The following KDM4C variants were observed in gnomAD, a reference collection of about 807,000 sequenced individuals.
KDM4C encodes the protein lysine demethylase 4C, also known as lysine-specific demethylase 4C.
A neutral mutation model predicts 129.3 loss-of-function variants in KDM4C; 81 were observed. That is an observed-to-expected ratio of 0.63 (90% confidence interval 0.52 to 0.75). The LOEUF (loss-of-function observed/expected upper bound fraction) is 0.75. Ranked by LOEUF, KDM4C falls within the 30% of genes least tolerant of loss-of-function variation. The pLI, the probability that KDM4C is intolerant of heterozygous loss-of-function variation, is 0.00. For missense variants in KDM4C, 1,457 were observed against 1,304.0 expected (o/e 1.12, Z -1.81); for synonymous variants, 573 against 456.1 (o/e 1.26, Z -3.26).
chr9:7,020,149 A>G (rs1050088377), intron 15 of KDM4C, among the ~76,000 whole-genome samples: 3 of 152,144 alleles, frequency 2.0e-5, no homozygotes, highest in African/African-American at 7.2e-5. Context: ...AAACCAAAAT[A>G]TATATTGCAG....
intron 1 of KDM4C, among the ~76,000 whole-genome samples, chr9:6,733,041 C>T (rs191130598): frequency 3.9e-5 from 6 of 152,204 alleles, no homozygotes; most frequent in East Asian, 1.9e-4. Flanking sequence ...AGTACCACCA[C>T]GTGGTTACAA....
rs776296936 is a variant in KDM4C, at chr9:6,984,318, G to A, written c.1268G>A (p.Arg423Lys). The A allele has an allele frequency of 1.2e-6, 2 of 1,614,076 alleles. No homozygotes were observed. The highest frequency in any genetic ancestry group is 2.2e-5 in the East Asian group (1 of 44,882). ...SEKSEAAVKL[R>K]NTEASSEEES... The stretch of plus-strand genomic sequence containing the variant: ...AAGTCAGAAGCAGCAGTGAAGCTGA[G>A]GAACACAGAAGCATCTTCAGAAGAA... The change falls in exon 10 of 22, where the codon AGG becomes AAG. Residue 423 changes from arginine to lysine, a missense_variant. Physicochemically the swap from Arg to Lys is conservative, Grantham distance 26. Transcript: ENST00000381309.
intron 2 of KDM4C, among the ~76,000 whole-genome samples, chr9:6,801,566 G>C (rs984598235): frequency 6.6e-6 from 1 of 151,542 alleles, no homozygotes; most frequent in Non-Finnish European, 1.5e-5. Context: ...AAAAAGATTG[G>C]AGGGCAAGTT....
At chr9:7,170,282 T>C (rs971505002) in intron 21 of KDM4C, 14 of 1,074,422 alleles carry the variant, frequency 1.3e-5, no homozygotes, top group Non-Finnish European at 1.4e-5. Context: ...CTCGGCATAA[T>C]TGAATGTCTG....
chr9:6,761,070 C>T (rs558572432), intron 1 of KDM4C, among the ~76,000 whole-genome samples: 3 of 146,506 alleles, frequency 2.0e-5, no homozygotes, highest in Admixed American at 7.0e-5. Flanking sequence ...GTGCCAATGG[C>T]GCGATCTCGG....
At chr9:6,963,899 A>T (rs1329507264) in intron 8 of KDM4C, among the ~76,000 whole-genome samples, 1 of 152,150 alleles carries the variant, frequency 6.6e-6, no homozygotes, top group Non-Finnish European at 1.5e-5. Context: ...TTTTTTAGCT[A>T]TTCCTAGATT....
intron 1 of KDM4C, among the ~76,000 whole-genome samples, chr9:6,732,479 TG>T (rs1211107547): frequency 3.4e-5 from 5 of 148,164 alleles, no homozygotes; most frequent in Non-Finnish European, 7.4e-5. Flanking sequence ...GTGGATCACC[TG>T]AGGTCAGGAG....
chr9:6,842,526 A>T (rs1297672204), intron 4 of KDM4C, among the ~76,000 whole-genome samples: 1 of 151,358 alleles, frequency 6.6e-6, no homozygotes, highest in East Asian at 1.9e-4. Context: ...TTTAGTAGAG[A>T]TGGAGTTTCA....
chr9:6,988,519 T>A (rs1818147290), intron 11 of KDM4C, among the ~76,000 whole-genome samples: 1 of 129,230 alleles, frequency 7.7e-6, no homozygotes. Flanking sequence ...GGATAACTCC[T>A]AGATGTAATA....
intron 19 of KDM4C, among the ~76,000 whole-genome samples, chr9:7,132,172 T>C (rs1840714400): frequency 6.6e-6 from 1 of 152,222 alleles, no homozygotes; most frequent in South Asian, 2.1e-4. Flanking sequence ...CCAAGCTATT[T>C]ATCTATGTAT....
At chr9:7,033,349 C>T (rs1219135748) in intron 15 of KDM4C, among the ~76,000 whole-genome samples, 2 of 152,140 alleles carry the variant, frequency 1.3e-5, no homozygotes, top group Non-Finnish European at 2.9e-5. Context: ...ACTGTGGTGT[C>T]TCTTAAAACA....
rs1401486866 is a variant in KDM4C, at chr9:7,046,872, T to G, written c.2270T>G (p.Leu757Arg). The G allele has an allele frequency of 1.9e-6, 3 of 1,607,364 alleles. No homozygotes were observed. The African/African-American group carries it at 4.0e-5, about 21-fold the overall frequency. The part of the protein sequence containing the change: ...KRNAWTAECC[L>R]CNLRGGALKQ... ...TTCTTTTCCCCCCAGGAATGCTGTC[T>G]CTGCAATTTGAGAGGAGGTGCTCTT... is the stretch of plus-strand genomic sequence containing the variant. The change falls in exon 16 of 22, where the codon CTC becomes CGC. Residue 757 changes from leucine (L) to arginine (R), a missense_variant. Leu to Arg is a moderately radical substitution (Grantham distance 102, BLOSUM62 -2). Transcript: ENST00000381309.
At chr9:6,964,223 T>A (rs537478519) in intron 8 of KDM4C, among the ~76,000 whole-genome samples, 6 of 151,942 alleles carry the variant, frequency 3.9e-5, no homozygotes, top group South Asian at 4.2e-4. Context: ...ATATCTTCTA[T>A]TGCTATCCCT....
chr9:6,781,649 G>A (rs533576516), intron 1 of KDM4C, among the ~76,000 whole-genome samples: 1 of 152,202 alleles, frequency 6.6e-6, no homozygotes, highest in East Asian at 1.9e-4. Context: ...GCACTAAATA[G>A]ACCATAGAAT....
At chr9:6,914,391 A>G (rs1052432221) in intron 8 of KDM4C, among the ~76,000 whole-genome samples, 1 of 152,120 alleles carries the variant, frequency 6.6e-6, no homozygotes, top group Non-Finnish European at 1.5e-5. Context: ...CCATTTTAAT[A>G]AAGCATTGTC....
chr9:6,990,159 C>T (rs1017602859), intron 11 of KDM4C, among the ~76,000 whole-genome samples: 3 of 152,054 alleles, frequency 2.0e-5, no homozygotes, highest in Non-Finnish European at 4.4e-5. Context: ...AATAAGCCTA[C>T]CCTGCCCTAC....
chr9:6,722,518 T>C (rs902034289), intron 1 of KDM4C, among the ~76,000 whole-genome samples: 13 of 89,780 alleles, frequency 1.4e-4, no homozygotes, highest in Admixed American at 9.1e-4. Flanking sequence ...TGTCTATATA[T>C]TTTTTTTTTT....
At chr9:6,975,310 G>A (rs1267019799) in intron 8 of KDM4C, among the ~76,000 whole-genome samples, 3 of 152,062 alleles carry the variant, frequency 2.0e-5, no homozygotes, top group Non-Finnish European at 2.9e-5. Flanking sequence ...AATGAGTCCC[G>A]GACATTTATT....
chr9:6,734,792 G>C (rs1817468643), intron 1 of KDM4C: 2 of 403,984 alleles, frequency 5.0e-6, no homozygotes, highest in African/African-American at 2.1e-5. Context: ...TAAATGAAAT[G>C]TTGGTAGATT....
Sources: allele counts gnomAD v4.1 joint callset (sites outside exome capture counted in the v4.1 genomes callset), GRCh38; gene constraint gnomAD v4.1.1; transcripts MANE v1.5; gene names NCBI Gene and HGNC (gene_info 2026-07-23, HGNC 2026-07-21).